Variants in KLC1 observed in about 807,000 individuals in gnomAD.
The protein encoded by KLC1 is kinesin 2 60/70kDa.
KLC1 carries 30 observed loss-of-function variants against 84.2 expected under a neutral mutation model. That is an observed-to-expected ratio of 0.36 (90% CI 0.27 to 0.48). The LOEUF is 0.48. Among genes scored for constraint, KLC1 ranks in the 20% least tolerant of loss-of-function variants. The pLI is 0.99. For missense variants in KLC1, 499 were observed against 805.4 expected, an observed-to-expected ratio of 0.62 and a Z score of 4.60; for synonymous variants, 289 against 293.3, an observed-to-expected ratio of 0.99 and a Z score of 0.15.
At chr14:103,664,403 C>T (rs1289831621) in intron 5 of KLC1, among the ~76,000 whole-genome samples, 1 of 152,108 alleles carries the variant, frequency 6.6e-6, no homozygotes, top group Non-Finnish European at 1.5e-5. Flanking sequence ...CCTTCTGTCT[C>T]GGCCTCCCAA....
intron 15 of KLC1, chr14:103,695,876 C>A: frequency 1.0e-6 from 1 of 985,408 alleles, no homozygotes; most frequent in African/African-American, 1.7e-5. Context: ...GCAAGGGAAT[C>A]TGAGTACCTG....
intron 11 of KLC1, among the ~76,000 whole-genome samples, chr14:103,676,300 C>T (rs567560329): frequency 6.6e-6 from 1 of 152,160 alleles, no homozygotes; most frequent in East Asian, 1.9e-4. Flanking sequence ...TGGAGTTTCG[C>T]TCTTGTCTCC....
rs937189739 is a variant in KLC1 at position 103,652,519 on chromosome 14, T to C, written c.-1-2045T>C. Among the ~76,000 whole-genome samples the C allele has an allele frequency of 7.9e-5, 12 of 151,576 alleles. 1 individual carries two copies. Among genetic ancestry groups the C allele is most frequent in the African/African-American group, 2.9e-4 (12 of 41,278 alleles). On this transcript the variant is annotated intron_variant, in intron 1 of 16. Transcript: ENST00000334553. ...GTTCTTTTTTTTTTTTGAGACAGAA[T>C]CTTCCTCTGTTGCCCAGGCTGGAGT...
chr14:103,689,235 G>T (rs1042395505), intron 14 of KLC1, among the ~76,000 whole-genome samples: 8 of 152,198 alleles, frequency 5.3e-5, no homozygotes, highest in Non-Finnish European at 7.3e-5. Flanking sequence ...GCAGAGTCCA[G>T]TTCTGGTGCT....
intron 15 of KLC1, chr14:103,699,252 G>A (rs1406888523): frequency 1.4e-5 from 22 of 1,539,340 alleles, no homozygotes; most frequent in Admixed American, 9.8e-5. Context: ...GCTGCTACCC[G>A]CAGGAGCCGG....
intron 1 of KLC1, among the ~76,000 whole-genome samples, chr14:103,645,783 A>C (rs1035141366): frequency 6.8e-6 from 1 of 146,978 alleles, no homozygotes; most frequent in African/African-American, 2.6e-5. Flanking sequence ...TTTGAGACAG[A>C]GTCTCGCTCT....
At chr14:103,685,811 G>T (rs1366276922) in intron 13 of KLC1, 1 of 1,205,152 alleles carries the variant, frequency 8.3e-7, no homozygotes, top group African/African-American at 1.6e-5. Flanking sequence ...TTTTTGGGGG[G>T]GTTCCTGATT....
chr14:103,686,046 T>C (rs1042942300), intron 13 of KLC1: 11 of 1,032,910 alleles, frequency 1.1e-5, no homozygotes, highest in African/African-American at 1.7e-5. Flanking sequence ...TGCTCCGTGG[T>C]ACTTAGAGCC....
intron 1 of KLC1, among the ~76,000 whole-genome samples, chr14:103,637,775 T>C (rs943299708): frequency 5.3e-5 from 8 of 152,126 alleles, no homozygotes; most frequent in African/African-American, 1.9e-4. Context: ...GTCACAGTCG[T>C]GGCTCAGTGC....
Position 103,662,767 on chromosome 14 carries a change from C to A in KLC1, c.637C>A (p.Leu213Met). 1 of 1,612,088 alleles carries A rather than the reference C, an allele frequency of 6.2e-7. No individual in the cohort carries two copies. ...QQGGYEIPAR[L>M]RTLHNLVIQY... ...GGGCGGCTACGAGATCCCCGCGCGG[C>A]TGCGGACGCTCCACAACCTGGTGAT... Residue 213 changes from leucine (L) to methionine (M), a missense_variant, in exon 5 of 17, where the codon CTG (leucine) becomes ATG (methionine). Coordinates refer to ENST00000334553, the MANE Select transcript of KLC1 (RefSeq NM_001394837.1).
chr14:103,662,919 G>A lies in KLC1; in HGVS notation c.789G>A (p.Leu263=), dbSNP rs757210779. The change falls in exon 5 of 17, where the codon TTG becomes TTA. Residue 263 remains leucine, a synonymous_variant. Coordinates refer to ENST00000334553, the MANE Select transcript of KLC1 (RefSeq NM_001394837.1). ...CCACCATGCTCAACATCCTGGCCTTGGTGTACAGGCTAGTCACTTTTGTTT... is the reference window on the plus strand; with the variant it reads ...CCACCATGCTCAACATCCTGGCCTTAGTGTACAGGCTAGTCACTTTTGTTT... ...DVATMLNILA[L]VYRDQNKYKD... is the part of the protein sequence containing the mutation. 1.9e-6 allele frequency: 3 copies of A among 1,610,450 alleles called. No homozygotes were observed. The African/African-American group carries it at 4.0e-5, about 22-fold the overall frequency.
At chr14:103,663,693 CG>C (rs34738239) in intron 5 of KLC1, among the ~76,000 whole-genome samples, 7 of 152,100 alleles carry the variant, frequency 4.6e-5, no homozygotes, top group African/African-American at 1.7e-4. Flanking sequence ...AAGGACGCCC[CG>C]GGGGAGTGGT....
At chr14:103,661,841 C>T (rs964623249) in intron 3 of KLC1, among the ~76,000 whole-genome samples, 1 of 152,094 alleles carries the variant, frequency 6.6e-6, no homozygotes, top group East Asian at 1.9e-4. Context: ...TCCCTCAAAG[C>T]GCGGGAGAAG....
chr14:103,701,233 C>CT lies in KLC1; in HGVS notation c.*35dup. On this transcript the variant is annotated 3_prime_UTR_variant, in exon 17 of 17. Transcript: ENST00000334553. ...GACCTGGCCCCGCTCCAGGATGGGA[C>CT]TGCCGAGTGTGGCCCGGAGCTGGCC... 1 of 1,549,456 alleles carries CT rather than the reference C, an allele frequency of 6.5e-7. No individual in the cohort carries two copies. The highest frequency in any genetic ancestry group is 1.4e-5 in the African/African-American group (1 of 73,160).
At chr14:103,679,155 A>G (rs1245114453) in intron 12 of KLC1, among the ~76,000 whole-genome samples, 1 of 152,154 alleles carries the variant, frequency 6.6e-6, no homozygotes, top group Non-Finnish European at 1.5e-5. Context: ...GAACACGGGT[A>G]CACACCCTGT....
intron 1 of KLC1, among the ~76,000 whole-genome samples, chr14:103,647,398 A>AT (rs565980148): frequency 0.021 from 2,992 of 142,940 alleles, 71 homozygotes; most frequent in African/African-American, 0.06. Flanking sequence ...TAATTTTTGT[A>AT]TTTTTTTTTT....
intron 1 of KLC1, among the ~76,000 whole-genome samples, chr14:103,643,209 G>T (rs1316821473): frequency 6.6e-6 from 1 of 152,202 alleles, no homozygotes; most frequent in East Asian, 1.9e-4. Context: ...CCTTAGAGAA[G>T]AATTCCAAAT....
intron 15 of KLC1, chr14:103,695,834 AT>A: frequency 1.0e-6 from 1 of 985,406 alleles, no homozygotes; most frequent in Non-Finnish European, 1.2e-6. Context: ...AAGCCAGCTC[AT>A]AAAGGAAGGT....
At chr14:103,698,860 A>G (rs2151902426) in intron 15 of KLC1, 1 of 1,607,492 alleles carries the variant, frequency 6.2e-7, no homozygotes, top group Non-Finnish European at 8.5e-7. Flanking sequence ...TAGGAACAGG[A>G]GGAGGGGGGC....
Sources: gnomAD v4.1 joint callset for allele counts (sites outside exome capture counted in the v4.1 genomes callset) on GRCh38, gnomAD v4.1.1 for gene constraint, MANE v1.5 for transcripts, NCBI Gene and HGNC (gene_info 2026-07-23, HGNC 2026-07-21) for gene names.